PKP2: variants seen among roughly 807,000 people sequenced by gnomAD.
PKP2 encodes the protein plakophilin 2.
Under a neutral mutation model 83.4 loss-of-function variants are expected in PKP2, and 73 were observed. The observed-to-expected ratio is 0.88, with a 90% confidence interval of 0.72 to 1.06. The LOEUF is 1.06. Among genes scored for constraint, PKP2 ranks in the 50% least tolerant of loss-of-function variants. PKP2 has a pLI of 0.00. For synonymous variants in PKP2, 409 were observed against 430.4 expected, an observed-to-expected ratio of 0.95 and a Z score of 0.62; for missense variants, 966 against 1,065.4, an observed-to-expected ratio of 0.91 and a Z score of 1.30.
chr12:32,843,536 G>C (rs1272328089), intron 5 of PKP2, among the ~76,000 whole-genome samples: 1 of 152,180 alleles, frequency 6.6e-6, no homozygotes, highest in African/African-American at 2.4e-5. Flanking sequence ...GTTTGCTTCT[G>C]CTGTGCACAG....
intron 5 of PKP2, among the ~76,000 whole-genome samples, chr12:32,847,552 G>GCA (rs1956658122): frequency 6.6e-6 from 1 of 151,974 alleles, no homozygotes; most frequent in African/African-American, 2.4e-5. Context: ...ACGCACGCAA[G>GCA]CACACACACA....
rs553406203 is a variant in PKP2, at chr12:32,847,025, T to C, written c.1378+3741A>G. Reference sequence around the variant, plus strand: ...AGTCACCAATTATGCTTTCACCTCTTACGGAGTTGTCAGGAGAAATAGGGA... The same window carrying C: ...AGTCACCAATTATGCTTTCACCTCTCACGGAGTTGTCAGGAGAAATAGGGA... On this transcript the variant is annotated intron_variant, in intron 5 of 12. Coordinates refer to ENST00000340811, the MANE Select transcript of PKP2 (RefSeq NM_001005242.3). Among the ~76,000 whole-genome samples the C allele has an allele frequency of 2.6e-5, 4 of 152,024 alleles. No homozygotes were observed. The South Asian group carries it at 8.3e-4, about 31-fold the overall frequency.
intron 4 of PKP2, among the ~76,000 whole-genome samples, 189 bp from the exon 5 acceptor site, chr12:32,851,162 C>CT (rs1956693783): frequency 6.6e-6 from 1 of 151,998 alleles, no homozygotes; most frequent in African/African-American, 2.4e-5. Flanking sequence ...CATCAAGGAA[C>CT]TTATAGTACA....
At chr12:32,824,288 A>C in intron 6 of PKP2, 126 bp from the exon 7 acceptor site, 1 of 729,322 alleles carries the variant, frequency 1.4e-6, no homozygotes, top group East Asian at 2.6e-5. Flanking sequence ...AAAGTGTGGC[A>C]GACTTGCCCA....
In PKP2 at chr12:32,878,299, T is replaced by A; in HGVS notation, c.581A>T (p.Tyr194Phe). ...GACCCCCACGATCTCGGAACGAGCA[T>A]ATCTCGGTGGCACTAGGAGGGCGGC... The part of the protein sequence containing the change: ...RRAALLVPPR[Y>F]ARSEIVGVSR... Residue 194 changes from tyrosine to phenylalanine, a missense_variant, in exon 3 of 13, where the codon TAT (tyrosine) becomes TTT (phenylalanine). By Grantham distance (22) the Tyr-to-Phe change is conservative (BLOSUM62 3). Coordinates refer to ENST00000340811, the MANE Select transcript of PKP2 (RefSeq NM_001005242.3). 6.2e-7 allele frequency: 1 copy of A among 1,613,518 alleles called. No individual in the cohort carries two copies. The highest frequency in any genetic ancestry group is 8.5e-7 in the Non-Finnish European group (1 of 1,180,024).
chr12:32,888,719 C>G lies in PKP2; in HGVS notation c.223+7790G>C, dbSNP rs189738739. 8.7e-3 allele frequency among the ~76,000 whole-genome samples: 1,325 copies of G among 152,058 alleles called. 1 individual carries two copies. The highest frequency in any genetic ancestry group is 0.026 in the South Asian group (125 of 4,810). ...TGTTGATCAGGCTAGTCTCAAACTC[C>G]CGACCTCAGATGATCCACCCGCCTC... On this transcript the variant is annotated intron_variant, in intron 1 of 12. Transcript: ENST00000340811.
Position 32,810,961 on chromosome 12 carries a change from G to A in PKP2, c.2014-8405C>T, listed in dbSNP as rs1956271676. On this transcript the variant is annotated intron_variant, in intron 9 of 12. Transcript: ENST00000340811. ...CTCCCAAAGTGCTGGGATTACAGGCGTGAGCCACCGCGCCCGGCCAGAATA... is the reference window on the plus strand; with the variant it reads ...CTCCCAAAGTGCTGGGATTACAGGCATGAGCCACCGCGCCCGGCCAGAATA... Among the ~76,000 whole-genome samples the A allele has an allele frequency of 3.1e-4, 2 of 6,452 alleles. 1 individual carries two copies. The highest frequency in any genetic ancestry group is 2.0e-3 in the Admixed American group (2 of 978). The allele number at this position is 6,452 out of a possible 152,430, so 4.2% of individuals were successfully genotyped here.
At chr12:32,846,952 C>A (rs1225090373) in intron 5 of PKP2, among the ~76,000 whole-genome samples, 1 of 152,002 alleles carries the variant, frequency 6.6e-6, no homozygotes, top group Non-Finnish European at 1.5e-5. Context: ...TTTAGGCAAC[C>A]TTGGGCAATT....
chr12:32,824,395 C>T, intron 6 of PKP2: 1 of 522,412 alleles, frequency 1.9e-6, no homozygotes, highest in South Asian at 2.1e-5. Context: ...TTCTACTTCA[C>T]TCCAAGTACC....
intron 4 of PKP2, 33 bp downstream of exon 4, chr12:32,868,894 T>C: frequency 1.2e-6 from 2 of 1,606,766 alleles, no homozygotes; most frequent in Non-Finnish European, 1.7e-6. Context: ...GAAAGTGTGT[T>C]GCGCTTTGCA....
chr12:32,889,461 T>C (rs1178172908), intron 1 of PKP2, among the ~76,000 whole-genome samples: 1 of 152,224 alleles, frequency 6.6e-6, no homozygotes, highest in Non-Finnish European at 1.5e-5. Context: ...AAAGAGATTT[T>C]GACAGAAAGA....
intron 3 of PKP2, among the ~76,000 whole-genome samples, chr12:32,873,705 T>G (rs536550762): frequency 6.6e-6 from 1 of 152,232 alleles, no homozygotes; most frequent in South Asian, 2.1e-4. Context: ...AACTTTTGTA[T>G]TTTTAGTAGA....
intron 1 of PKP2, among the ~76,000 whole-genome samples, chr12:32,884,873 G>C (rs1957017638): frequency 6.6e-6 from 1 of 151,720 alleles, no homozygotes; most frequent in African/African-American, 2.4e-5. Flanking sequence ...GGAGCACGAT[G>C]ATATTACTGT....
intron 5 of PKP2, chr12:32,843,366 C>G (rs1956618209): frequency 5.2e-6 from 7 of 1,339,764 alleles, no homozygotes; most frequent in Non-Finnish European, 7.0e-6. Context: ...CCTTTATGAA[C>G]ACAGCAAATG....
chr12:32,840,999 C>T (rs1956585630), intron 6 of PKP2, 29 bp downstream of exon 6: 1 of 1,583,622 alleles, frequency 6.3e-7, no homozygotes, highest in African/African-American at 1.3e-5. Flanking sequence ...ATTGCATCTT[C>T]TATCAGGGCA....
chr12:32,888,416 A>G (rs1957049025), intron 1 of PKP2, among the ~76,000 whole-genome samples: 2 of 152,016 alleles, frequency 1.3e-5, no homozygotes, highest in African/African-American at 2.4e-5. Flanking sequence ...TCAAGTCATT[A>G]TATTTCCCCT....
chr12:32,790,779 C>T lies in PKP2; in HGVS notation c.*1645G>A, dbSNP rs1186034446. The T allele has an allele frequency of 2.0e-5, 3 of 152,104 alleles. No homozygotes were observed. The highest frequency in any genetic ancestry group is 4.4e-5 in the Non-Finnish European group (3 of 68,022). 9.4% of individuals were successfully genotyped at this position (152,104 alleles called of 1,614,324 possible). ...ATTTTGTATTTAATATTATCGAAGGCTTTATTAATGCCTTAAAAAACACAA... is the reference window on the plus strand; with the variant it reads ...ATTTTGTATTTAATATTATCGAAGGTTTTATTAATGCCTTAAAAAACACAA... On this transcript the variant is annotated 3_prime_UTR_variant, in exon 13 of 13. Transcript: ENST00000340811.
rs933590885 is a variant in PKP2 at position 32,845,507 on chromosome 12, A to G, written c.1379-4302T>C. On this transcript the variant is annotated intron_variant, in intron 5 of 12. Coordinates refer to ENST00000340811, the MANE Select transcript of PKP2 (RefSeq NM_001005242.3). ...GCGGAGCTTGCAGTGAGCCGAGATC[A>G]TGCCACTGTACTCCAGCCTCGGCAA... Among the ~76,000 whole-genome samples the G allele has an allele frequency of 2.6e-5, 4 of 152,290 alleles. 1 individual carries two copies. The highest frequency in any genetic ancestry group is 9.6e-5 in the African/African-American group (4 of 41,574).
intron 1 of PKP2, chr12:32,894,301 T>C (rs1193698141): frequency 1.3e-5 from 2 of 152,216 alleles, no homozygotes; most frequent in Admixed American, 6.5e-5. Flanking sequence ...TGGTAATGTA[T>C]TTTTCTAGCG....
Sources: allele counts gnomAD v4.1 joint callset (sites outside exome capture counted in the v4.1 genomes callset), GRCh38; gene constraint gnomAD v4.1.1; transcripts MANE v1.5; gene names NCBI Gene and HGNC (gene_info 2026-07-23, HGNC 2026-07-21).